The following CCDC60 variants were observed in gnomAD, a reference collection of about 807,000 sequenced individuals.
CCDC60 encodes coiled-coil domain-containing protein 60.
A neutral mutation model predicts 63.5 loss-of-function variants in CCDC60; 54 were observed. That is an observed-to-expected ratio of 0.85 (90% CI 0.68 to 1.07). CCDC60 has a LOEUF of 1.07. Among genes scored for constraint, CCDC60 ranks in the 50% least tolerant of loss-of-function variants. The pLI is 0.00. For missense variants in CCDC60, 651 were observed against 684.3 expected, an observed-to-expected ratio of 0.95 and a Z score of 0.54; for synonymous variants, 206 against 238.8, an observed-to-expected ratio of 0.86 and a Z score of 1.27.
Position 119,506,438 on chromosome 12 carries a change from C to CAA in CCDC60, c.883+1159_883+1160dup, listed in dbSNP as rs35584778. On this transcript the variant is annotated intron_variant, in intron 7 of 13. Coordinates refer to ENST00000327554, the MANE Select transcript of CCDC60 (RefSeq NM_178499.5). ...GGCAACGTGGTGAAACCTCATCTCT[C>CAA]AAAAAAAAAAAAAAAAAAAAAAAAA... Among the ~76,000 whole-genome samples, 74 of 87,348 alleles carry CAA rather than the reference C, an allele frequency of 8.5e-4. 2 individuals carry two copies. The highest frequency in any genetic ancestry group is 7.4e-3 in the Middle Eastern group (1 of 136). 57.3% of individuals were successfully genotyped at this position (87,348 alleles called of 152,430 possible). A position where few individuals can be genotyped will look rare whatever the true frequency, so the allele number is the denominator to read the frequency against.
chr12:119,337,428 C>T (rs539898650), intron 1 of CCDC60, among the ~76,000 whole-genome samples: 28 of 152,254 alleles, frequency 1.8e-4, no homozygotes, highest in Admixed American at 1.5e-3. Flanking sequence ...AGAGCTGCTC[C>T]GCTTCAGTGC....
At chr12:119,338,903 C>T (rs1293200470) in intron 1 of CCDC60, among the ~76,000 whole-genome samples, 1 of 152,232 alleles carries the variant, frequency 6.6e-6, no homozygotes, top group Non-Finnish European at 1.5e-5. Context: ...TCGAAGCCCT[C>T]TGAACTGGCC....
At chr12:119,443,668 T>C (rs1019396644) in intron 2 of CCDC60, among the ~76,000 whole-genome samples, 1 of 152,244 alleles carries the variant, frequency 6.6e-6, no homozygotes, top group Non-Finnish European at 1.5e-5. Flanking sequence ...CTCACGGCTC[T>C]ATTCCAAAGT....
chr12:119,377,270 A>G (rs1319596814), intron 1 of CCDC60, among the ~76,000 whole-genome samples: 5 of 150,462 alleles, frequency 3.3e-5, no homozygotes, highest in East Asian at 3.9e-4. Flanking sequence ...AAAAAAAAAA[A>G]AAAAAAAAAG....
At chr12:119,426,643 GC>G (rs1192350143) in intron 1 of CCDC60, among the ~76,000 whole-genome samples, 1 of 152,196 alleles carries the variant, frequency 6.6e-6, no homozygotes, top group African/African-American at 2.4e-5. Context: ...ACGGACATGA[GC>G]CACTGCGCCT....
chr12:119,461,682 A>G (rs536176959), intron 2 of CCDC60, among the ~76,000 whole-genome samples: 7 of 152,262 alleles, frequency 4.6e-5, no homozygotes, highest in Middle Eastern at 3.4e-3. Flanking sequence ...GCAGTTAATT[A>G]TTTTACTCCC....
chr12:119,426,443 C>A (rs896588997), intron 1 of CCDC60, among the ~76,000 whole-genome samples: 1 of 151,946 alleles, frequency 6.6e-6, no homozygotes, highest in Non-Finnish European at 1.5e-5. Context: ...GCAGCCTTGA[C>A]CTCTTGGGCT....
At chr12:119,389,462 C>G (rs1956117860) in intron 1 of CCDC60, among the ~76,000 whole-genome samples, 1 of 152,080 alleles carries the variant, frequency 6.6e-6, no homozygotes, top group African/African-American at 2.4e-5. Context: ...GACTCCAACT[C>G]TATATTATTC....
chr12:119,337,278 G>A (rs1332142192), intron 1 of CCDC60, among the ~76,000 whole-genome samples: 1 of 152,198 alleles, frequency 6.6e-6, no homozygotes, highest in Non-Finnish European at 1.5e-5. Context: ...GCATAGCGGT[G>A]GGAGAATGAA....
intron 7 of CCDC60, among the ~76,000 whole-genome samples, chr12:119,511,873 T>C (rs1223592985): frequency 6.6e-6 from 1 of 152,156 alleles, no homozygotes; most frequent in East Asian, 1.9e-4. Flanking sequence ...GGAGAACCAA[T>C]CACAGCTCCC....
chr12:119,526,101 G>A (rs1952669685), intron 11 of CCDC60, among the ~76,000 whole-genome samples: 2 of 152,008 alleles, frequency 1.3e-5, no homozygotes, highest in Non-Finnish European at 2.9e-5. Flanking sequence ...AGAGCCCAGA[G>A]TAAGGCTGCA....
intron 2 of CCDC60, chr12:119,433,498 C>T (rs1353485888): frequency 1.4e-6 from 1 of 702,326 alleles, no homozygotes; most frequent in Non-Finnish European, 2.6e-6. Flanking sequence ...ACTTCTGGAT[C>T]CCACCAACAT....
At position 119,524,721 on chromosome 12, in the gene CCDC60, C is replaced by CTTTTTTTTTTT. The variant is rs55694840; in HGVS notation, c.1229+912_1229+922dup. ...ACAGCAGTTTCTTTTCTTTTCTTTT[C>CTTTTTTTTTTT]TTTTTTTTTTTTTTTTTTTGAGACA... On this transcript the variant is annotated intron_variant, in intron 11 of 13. Transcript: ENST00000327554. Among the ~76,000 whole-genome samples the CTTTTTTTTTTT allele has an allele frequency of 3.0e-4, 30 of 99,022 alleles. No individual in the cohort carries two copies. In the East Asian group the frequency reaches 3.5e-3, roughly 11 times the overall value. 65.0% of individuals were successfully genotyped at this position (99,022 alleles called of 152,430 possible).
At chr12:119,524,716 C>CTTTTTTTTTTTTTTTTTTTTTTTT (rs1416953138) in intron 11 of CCDC60, among the ~76,000 whole-genome samples, 6 of 90,578 alleles carry the variant, frequency 6.6e-5, no homozygotes, top group African/African-American at 2.7e-4. Context: ...CTTTTCTTTT[C>CTTTTTTTTTTTTTTTTTTTTTTTT]TTTTCTTTTT....
intron 2 of CCDC60, among the ~76,000 whole-genome samples, chr12:119,460,735 A>G (rs1950840636): frequency 6.6e-6 from 1 of 152,172 alleles, no homozygotes. Flanking sequence ...CCATCGACCA[A>G]AGGAGACACA....
At chr12:119,440,256 C>T (rs1950415359) in intron 2 of CCDC60, among the ~76,000 whole-genome samples, 1 of 152,118 alleles carries the variant, frequency 6.6e-6, no homozygotes, top group South Asian at 2.1e-4. Flanking sequence ...TCCGACCGGG[C>T]ACGGTGGCTC....
At chr12:119,360,411 C>T (rs1236192062) in intron 1 of CCDC60, among the ~76,000 whole-genome samples, 8 of 150,590 alleles carry the variant, frequency 5.3e-5, no homozygotes, top group Non-Finnish European at 1.0e-4. Context: ...ACCTCCCTCC[C>T]GGACAGGGTG....
chr12:119,463,308 A>C (rs1950892902), intron 2 of CCDC60, among the ~76,000 whole-genome samples: 1 of 152,212 alleles, frequency 6.6e-6, no homozygotes, highest in African/African-American at 2.4e-5. Context: ...TTCAAGATCA[A>C]GGCCCATGCT....
rs200983138 is a variant in CCDC60 at position 119,540,762 on chromosome 12, A to G, written c.*47A>G. ...TGTCTCAGTGGAGGAGTGTTTGCCT[A>G]TATCATGTTCCTGTATCCTGCCTGT... On this transcript the variant is annotated 3_prime_UTR_variant, in exon 14 of 14. Coordinates refer to ENST00000327554, the MANE Select transcript of CCDC60 (RefSeq NM_178499.5). 1.1e-5 allele frequency: 15 copies of G among 1,330,524 alleles called. 1 individual carries two copies. The East Asian group carries it at 3.2e-4, about 29-fold the overall frequency. 82.4% of individuals were successfully genotyped at this position (1,330,524 alleles called of 1,614,324 possible).
Sources: allele counts gnomAD v4.1 joint callset (sites outside exome capture counted in the v4.1 genomes callset), GRCh38; gene constraint gnomAD v4.1.1; transcripts MANE v1.5; gene names NCBI Gene and HGNC (gene_info 2026-07-23, HGNC 2026-07-21).